Variants in ITGA2 observed in about 807,000 individuals in gnomAD.
ITGA2 encodes integrin alpha-2.
Under a neutral mutation model 146.3 loss-of-function variants are expected in ITGA2, and 101 were observed. The ratio of observed to expected loss-of-function variants is 0.69; its 90% CI spans 0.59 to 0.81. ITGA2 has a LOEUF of 0.81. ITGA2 is among the 40% of genes least tolerant of loss of function. The probability of loss-of-function intolerance (pLI) is 0.00; values close to 1 mark genes in which losing one functional copy is unlikely to be tolerated. For synonymous variants in ITGA2, 477 were observed against 487.1 expected (o/e 0.98, Z 0.27); for missense variants, 1,281 against 1,402.7 (o/e 0.91, Z 1.39).
intron 1 of ITGA2, among the ~76,000 whole-genome samples, chr5:52,995,591 T>G (rs1453434382): frequency 6.6e-6 from 1 of 152,192 alleles, no homozygotes; most frequent in African/African-American, 2.4e-5. Flanking sequence ...TAAGCAGTGC[T>G]GAAGGAGAGC....
intron 5 of ITGA2, 40 bp from the exon 6 acceptor site, chr5:53,048,603 T>C (rs750174081): frequency 6.2e-7 from 1 of 1,614,046 alleles, no homozygotes; most frequent in South Asian, 1.1e-5. Flanking sequence ...AAATATGACT[T>C]ACCTGTGGAA....
At chr5:53,005,453 G>T (rs1050188460) in intron 1 of ITGA2, among the ~76,000 whole-genome samples, 1 of 151,866 alleles carries the variant, frequency 6.6e-6, no homozygotes, top group African/African-American at 2.4e-5. Context: ...ATTGTAGCAG[G>T]TGCCTGTAAT....
At chr5:53,035,663 G>A (rs976076751) in intron 2 of ITGA2, among the ~76,000 whole-genome samples, 15 of 152,148 alleles carry the variant, frequency 9.9e-5, no homozygotes, top group African/African-American at 3.4e-4. Context: ...CCAGAGACGG[G>A]CAGCCTTCAC....
chr5:53,089,898 C>G (rs753329755), intron 28 of ITGA2, 48 bp from the exon 29 acceptor site: 10 of 1,090,448 alleles, frequency 9.2e-6, no homozygotes, highest in East Asian at 4.7e-5. Flanking sequence ...CCATCTCCCC[C>G]CTTTTTTGTG....
chr5:53,073,335 G>C (rs1745493265), intron 20 of ITGA2, 76 bp downstream of exon 20: 1 of 1,522,992 alleles, frequency 6.6e-7, no homozygotes, highest in Non-Finnish European at 9.1e-7. Context: ...TGTCCTCTGA[G>C]TTGTTTAAAG....
Position 53,090,077 on chromosome 5 carries a change from A to T in ITGA2, c.3465+15A>T, listed in dbSNP as rs765906367. 2 of 1,469,952 alleles carry T rather than the reference A, an allele frequency of 1.4e-6. No individual in the cohort carries two copies. Among genetic ancestry groups the T allele is most frequent in the African/African-American group, 2.8e-5 (2 of 72,004 alleles). The allele number at this position is 1,469,952 out of a possible 1,614,324, so 91.1% of individuals were successfully genotyped here. A position where few individuals can be genotyped will look rare whatever the true frequency, so the allele number is the denominator to read the frequency against. On this transcript the variant is annotated intron_variant, in intron 29 of 29. Coordinates refer to ENST00000296585, the MANE Select transcript of ITGA2 (RefSeq NM_002203.4). ...TTTTATGGAAGGTAAGAAAAGCTTT[A>T]TATTTTAAAATACAGGGCTCCTGAA...
chr5:52,990,769 G>A (rs1466123498), intron 1 of ITGA2, among the ~76,000 whole-genome samples: 3 of 152,034 alleles, frequency 2.0e-5, no homozygotes, highest in South Asian at 4.2e-4. Flanking sequence ...GGCATCTTAG[G>A]TTTTCTGTCT....
chr5:53,072,749 ATTACT>A, intron 19 of ITGA2, 54 bp downstream of exon 19: 1 of 1,346,588 alleles, frequency 7.4e-7, no homozygotes, highest in Non-Finnish European at 1.1e-6. Flanking sequence ...GACATACTAG[ATTACT>A]TTATTCAAAC....
chr5:52,992,782 G>A (rs1741041002), intron 1 of ITGA2, among the ~76,000 whole-genome samples: 1 of 152,012 alleles, frequency 6.6e-6, no homozygotes, highest in African/African-American at 2.4e-5. Context: ...AATGTTAGTG[G>A]CTCCCCATCT....
chr5:53,045,176 G>C, intron 4 of ITGA2, 84 bp downstream of exon 4: 1 of 1,045,552 alleles, frequency 9.6e-7, no homozygotes, highest in Non-Finnish European at 1.5e-6. Flanking sequence ...CCCAATCTGA[G>C]GATTTAGATG....
chr5:53,003,568 A>G (rs1741686903), intron 1 of ITGA2, among the ~76,000 whole-genome samples: 1 of 152,148 alleles, frequency 6.6e-6, no homozygotes, highest in Admixed American at 6.6e-5. Flanking sequence ...CATGGTGGGT[A>G]GGGCACCAAA....
At chr5:53,003,440 T>C (rs1741682372) in intron 1 of ITGA2, among the ~76,000 whole-genome samples, 1 of 152,154 alleles carries the variant, frequency 6.6e-6, no homozygotes, top group African/African-American at 2.4e-5. Flanking sequence ...GAGAATGGCT[T>C]GGCTGGACCA....
chr5:53,036,029 G>A (rs1743474972), intron 2 of ITGA2, among the ~76,000 whole-genome samples: 1 of 147,458 alleles, frequency 6.8e-6, no homozygotes, highest in Non-Finnish European at 1.5e-5. Context: ...ACACCTTTAG[G>A]CTGTCTTTGA....
chr5:53,072,838 T>C (rs925818639), intron 19 of ITGA2, 143 bp downstream of exon 19: 1 of 764,698 alleles, frequency 1.3e-6, no homozygotes, highest in Non-Finnish European at 2.1e-6. Flanking sequence ...AATTTCAATG[T>C]CTACCATCCA....
At chr5:53,003,185 C>G (rs1741673902) in intron 1 of ITGA2, among the ~76,000 whole-genome samples, 1 of 152,170 alleles carries the variant, frequency 6.6e-6, no homozygotes, top group Non-Finnish European at 1.5e-5. Context: ...TCCCCACAGG[C>G]TGATTACAAT....
At chr5:53,072,369 T>C (rs1182565777) in intron 18 of ITGA2, among the ~76,000 whole-genome samples, 1 of 151,814 alleles carries the variant, frequency 6.6e-6, no homozygotes, top group Non-Finnish European at 1.5e-5. Context: ...CCAATACATA[T>C]GAAGCTCTGC....
chr5:53,015,804 G>A (rs1029019375), intron 1 of ITGA2, among the ~76,000 whole-genome samples: 1 of 152,016 alleles, frequency 6.6e-6, no homozygotes, highest in African/African-American at 2.4e-5. Flanking sequence ...GGGTAGTTAG[G>A]TCTTCTGTTG....
At position 53,062,753 on chromosome 5, in the gene ITGA2, G is replaced by A. The variant is rs192640507; in HGVS notation, c.1459-33G>A. The A allele has an allele frequency of 1.7e-3, 2,647 of 1,603,166 alleles. 9 individuals are homozygous for A. Among genetic ancestry groups the A allele is most frequent in the Non-Finnish European group, 1.5e-3 (1,720 of 1,171,090 alleles). On this transcript the variant is annotated intron_variant, in intron 12 of 29. Transcript: ENST00000296585. Reference sequence around the variant, plus strand: ...AATATTAGAAGTATATGAATCCTAGGAATTCTAAGTTTAACATGTTTTATT... The same window carrying A: ...AATATTAGAAGTATATGAATCCTAGAAATTCTAAGTTTAACATGTTTTATT...
chr5:53,070,379 C>CATTGTT, intron 17 of ITGA2, 119 bp downstream of exon 17: 2 of 868,050 alleles, frequency 2.3e-6, no homozygotes, highest in Non-Finnish European at 1.9e-6. Context: ...GAATGCCTTT[C>CATTGTT]TTATGTAATT....
Sources: allele counts gnomAD v4.1 joint callset (sites outside exome capture counted in the v4.1 genomes callset), GRCh38; gene constraint gnomAD v4.1.1; transcripts MANE v1.5; gene names NCBI Gene and HGNC (gene_info 2026-07-23, HGNC 2026-07-21).